TBC1D31: variants seen among roughly 807,000 people sequenced by gnomAD.
TBC1D31 encodes the protein WD repeat domain 67.
Under a neutral mutation model 132.9 loss-of-function variants are expected in TBC1D31, and 99 were observed. That is an observed-to-expected ratio of 0.74 (90% CI 0.63 to 0.88). TBC1D31 has a LOEUF of 0.88. TBC1D31 is among the 40% of genes least tolerant of loss of function. The pLI, the probability that TBC1D31 is intolerant of heterozygous loss-of-function variation, is 0.00. For missense variants in TBC1D31, 1,134 were observed against 1,256.6 expected, an observed-to-expected ratio of 0.90 and a Z score of 1.48; for synonymous variants, 385 against 419.4, an observed-to-expected ratio of 0.92 and a Z score of 1.00.
At chr8:123,075,613 G>GA (rs779252183) in intron 1 of TBC1D31, among the ~76,000 whole-genome samples, 16 of 151,962 alleles carry the variant, frequency 1.1e-4, no homozygotes, top group Non-Finnish European at 1.5e-4. Flanking sequence ...TGAGGCAGGA[G>GA]AATCACTTGA....
At chr8:123,109,114 C>T (rs553564719) in intron 8 of TBC1D31, among the ~76,000 whole-genome samples, 1 of 152,036 alleles carries the variant, frequency 6.6e-6, no homozygotes, top group African/African-American at 2.4e-5. Flanking sequence ...AGGGAAGGTA[C>T]TATATCATGA....
intron 2 of TBC1D31, among the ~76,000 whole-genome samples, chr8:123,079,064 C>T (rs1814851729): frequency 6.6e-6 from 1 of 152,114 alleles, no homozygotes; most frequent in Admixed American, 6.5e-5. Context: ...GTGGGATCAT[C>T]ACACAAAGCT....
At position 123,126,516 on chromosome 8, in the gene TBC1D31, A is replaced by G. The variant is rs377319424; in HGVS notation, c.1713A>G (p.Ala571=). 6 of 1,613,678 alleles carry G rather than the reference A, an allele frequency of 3.7e-6. No individual in the cohort carries two copies. The African/African-American group carries it at 8.0e-5, about 22-fold the overall frequency. Reference sequence around the variant, plus strand: ...TTCCTTATCTGTTTTAGCTATATGCATGGCCTCTTCTTGAAACTGTGTTCT... The same window carrying G: ...TTCCTTATCTGTTTTAGCTATATGCGTGGCCTCTTCTTGAAACTGTGTTCT... ...IDHDITSQLY[A]WPLLETVFSE... is the part of the protein sequence containing the mutation. Residue 571 remains alanine, a synonymous_variant, in exon 13 of 22, where the codon GCA becomes GCG. Transcript: ENST00000287380.
At chr8:123,077,076 CAT>C (rs1420009009) in intron 1 of TBC1D31, 33 bp from the exon 2 acceptor site, 2 of 1,549,568 alleles carry the variant, frequency 1.3e-6, no homozygotes, top group African/African-American at 2.8e-5. Context: ...TAATACGTGA[CAT>C]AGATTCAATG....
At chr8:123,100,703 CAT>C (rs1817313907) in intron 6 of TBC1D31, 102 bp from the exon 7 acceptor site, 2 of 738,872 alleles carry the variant, frequency 2.7e-6, no homozygotes, top group Non-Finnish European at 4.6e-6. Context: ...TACACACACA[CAT>C]ACATACACAA....
intron 17 of TBC1D31, among the ~76,000 whole-genome samples, chr8:123,136,544 G>A (rs560780555): frequency 3.3e-5 from 5 of 152,160 alleles, no homozygotes; most frequent in African/African-American, 4.8e-5. Context: ...TCTGCCTCCC[G>A]GGTTCAAGAA....
intron 12 of TBC1D31, 105 bp downstream of exon 12, chr8:123,126,294 A>G (rs1210253238): frequency 7.2e-7 from 1 of 1,380,216 alleles, no homozygotes; most frequent in East Asian, 2.3e-5. Context: ...AAAGCATACT[A>G]CATGTTGTAT....
intron 10 of TBC1D31, among the ~76,000 whole-genome samples, chr8:123,112,398 TCTC>T (rs1818534320): frequency 6.6e-6 from 1 of 152,192 alleles, no homozygotes; most frequent in Non-Finnish European, 1.5e-5. Flanking sequence ...TCCTGTTACT[TCTC>T]CTCCCAATAA....
intron 15 of TBC1D31, among the ~76,000 whole-genome samples, chr8:123,129,435 G>A (rs907578293): frequency 3.3e-5 from 5 of 152,198 alleles, no homozygotes; most frequent in Non-Finnish European, 7.3e-5. Context: ...AAGCTATGCT[G>A]AATATAATAT....
rs757922218 is a variant in TBC1D31, at chr8:123,120,062, T to C, written c.1444T>C (p.Ser482Pro). ...KLLRVLQRTL[S>P]ALAHWSVIFS... is the part of the protein sequence containing the mutation. Reference sequence around the variant, plus strand: ...AAGTTATTTTATTCACAGAACCTTATCTGCATTAGCTCACTGGTCTGTCAT... The same window carrying C: ...AAGTTATTTTATTCACAGAACCTTACCTGCATTAGCTCACTGGTCTGTCAT... Residue 482 changes from serine to proline, a missense_variant, in exon 11 of 22, where the codon TCT (serine) becomes CCT (proline). Ser to Pro is a moderately conservative substitution (Grantham distance 74). Coordinates refer to ENST00000287380, the MANE Select transcript of TBC1D31 (RefSeq NM_145647.4). 3 of 1,593,920 alleles carry C rather than the reference T, an allele frequency of 1.9e-6. No homozygotes were observed. The Admixed American group carries it at 5.5e-5, about 29-fold the overall frequency.
intron 2 of TBC1D31, among the ~76,000 whole-genome samples, chr8:123,081,885 ATG>A (rs1375234644): frequency 6.5e-5 from 1 of 15,448 alleles, no homozygotes; most frequent in Admixed American, 5.8e-4. Flanking sequence ...CTCCCACAAC[ATG>A]TGGGAATTAT....
Position 123,109,504 on chromosome 8 carries a change from G to A in TBC1D31, c.1320G>A (p.Leu440=). 6.2e-7 allele frequency: 1 copy of A among 1,613,738 alleles called. No homozygotes were observed. Among genetic ancestry groups the A allele is most frequent in the South Asian group, 1.1e-5 (1 of 91,026 alleles). The change falls in exon 10 of 22, where the codon CTG becomes CTA. Residue 440 remains leucine (L), a synonymous_variant. Coordinates refer to ENST00000287380, the MANE Select transcript of TBC1D31 (RefSeq NM_145647.4). ...TCATTTGGCGCTCTCTGCTACAACT[G>A]CCTGAAAATCATACTGCGTTTAGTA... The part of the protein sequence containing the change: ...RMFIWRSLLQ[L]PENHTAFSTL...
At chr8:123,127,437 A>C (rs910711397) in intron 13 of TBC1D31, among the ~76,000 whole-genome samples, 5 of 150,626 alleles carry the variant, frequency 3.3e-5, no homozygotes, top group Non-Finnish European at 7.4e-5. Context: ...CGCCCAGCTA[A>C]GTTTTTTATA....
At chr8:123,159,327 G>A in the TBC1D31 span, among the ~76,000 whole-genome samples, 1 of 151,752 alleles carries the variant, frequency 6.6e-6, no homozygotes, top group Non-Finnish European at 1.5e-5. Context: ...TGTACAACAG[G>A]GAACTGACTG....
In TBC1D31 at chr8:123,124,858, A is replaced by G. The variant is rs561214996; in HGVS notation, c.1571-1198A>G. Among the ~76,000 whole-genome samples, 3 of 150,086 alleles carry G rather than the reference A, an allele frequency of 2.0e-5. No individual in the cohort carries two copies. The South Asian group carries it at 6.3e-4, about 32-fold the overall frequency. ...AGGCTGAGACAAGATAATCACTTGA[A>G]CCCGGGAGGCAGAGGTTGCAATGAG... On this transcript the variant is annotated intron_variant, in intron 11 of 21. Transcript: ENST00000287380.
intron 5 of TBC1D31, among the ~76,000 whole-genome samples, chr8:123,094,342 A>G (rs182472040): frequency 5.0e-4 from 75 of 151,506 alleles, no homozygotes; most frequent in African/African-American, 1.8e-3. Context: ...GATTACAGGC[A>G]TGAGCCACCG....
intron 4 of TBC1D31, among the ~76,000 whole-genome samples, chr8:123,087,650 CAT>C (rs1271505167): frequency 5.3e-5 from 8 of 152,302 alleles, no homozygotes; most frequent in South Asian, 4.1e-4. Context: ...AACAATGACA[CAT>C]GACACAAAAG....
the TBC1D31 span, among the ~76,000 whole-genome samples, chr8:123,158,897 G>A: frequency 6.6e-6 from 1 of 152,138 alleles, no homozygotes; most frequent in African/African-American, 2.4e-5. Context: ...CCCGGAGACT[G>A]ACACCCAGTC....
chr8:123,153,269 G>A (rs1822902125), downstream of TBC1D31, among the ~76,000 whole-genome samples: 1 of 152,044 alleles, frequency 6.6e-6, no homozygotes. Flanking sequence ...AAATTCTGTG[G>A]TTCTGCCACC....
Sources: gnomAD v4.1 joint callset for allele counts (sites outside exome capture counted in the v4.1 genomes callset) on GRCh38, gnomAD v4.1.1 for gene constraint, MANE v1.5 for transcripts, NCBI Gene and HGNC (gene_info 2026-07-23, HGNC 2026-07-21) for gene names.